PSD3: variants seen among roughly 807,000 people sequenced by gnomAD.
PSD3 encodes the protein pleckstrin and Sec7 domain containing 3, also known as PH and SEC7 domain-containing protein 3.
Under a neutral mutation model 105.5 loss-of-function variants are expected in PSD3, and 49 were observed. That is an observed-to-expected ratio of 0.46 (90% confidence interval 0.37 to 0.59). The LOEUF (loss-of-function observed/expected upper bound fraction) is 0.59, where lower values mean the gene tolerates loss of function less well. Ranked by LOEUF, PSD3 falls within the 20% of genes least tolerant of loss-of-function variation. PSD3 has a pLI of 0.00. For missense variants in PSD3, 1,561 were observed against 1,263.8 expected (o/e 1.24, Z -3.57); for synonymous variants, 557 against 457.8 (o/e 1.22, Z -2.77).
chr8:18,922,079 TC>T (rs1340605752), intron 2 of PSD3, among the ~76,000 whole-genome samples: 6 of 152,302 alleles, frequency 3.9e-5, no homozygotes, highest in African/African-American at 1.4e-4. Context: ...AAAAGATATT[TC>T]CTACCTAAAA....
Position 18,569,737 on chromosome 8 carries a change from A to G in PSD3, c.2784+2791T>C, listed in dbSNP as rs559032599. Among the ~76,000 whole-genome samples, 14 of 17,284 alleles carry G rather than the reference A, an allele frequency of 8.1e-4. 7 individuals are homozygous for G. The East Asian group carries it at 0.018, about 23-fold the overall frequency. The allele number at this position is 17,284 out of a possible 152,430, so 11.3% of individuals were successfully genotyped here. On this transcript the variant is annotated intron_variant, in intron 14 of 15. Coordinates refer to ENST00000327040, the MANE Select transcript of PSD3 (RefSeq NM_015310.4). Reference sequence around the variant, plus strand: ...ACTAACTCGTCATCTAGCATTAGGTATATCTCCCGATGCTATCCCTCCCCA... The same window carrying G: ...ACTAACTCGTCATCTAGCATTAGGTGTATCTCCCGATGCTATCCCTCCCCA...
At chr8:18,594,429 T>C (rs1329765366) in intron 12 of PSD3, among the ~76,000 whole-genome samples, 1 of 124,574 alleles carries the variant, frequency 8.0e-6, no homozygotes, top group Non-Finnish European at 1.6e-5. Context: ...ATACATTATA[T>C]ATAATATATT....
rs189105749 is a variant in PSD3, at chr8:19,053,595, T to C, written c.324+30611A>G. On this transcript the variant is annotated intron_variant, in intron 1 of 1. Coordinates refer to the PSD3 transcript ENST00000521475. Reference sequence around the variant, plus strand: ...AGCCGGATCACTTGAGGCCAGGAGTTCGAGACCAACATGAGGAAACCCCGT... The same window carrying C: ...AGCCGGATCACTTGAGGCCAGGAGTCCGAGACCAACATGAGGAAACCCCGT... Among the ~76,000 whole-genome samples the C allele has an allele frequency of 2.8e-3, 422 of 152,072 alleles. 3 individuals are homozygous for C. Among genetic ancestry groups the C allele is most frequent in the Non-Finnish European group, 4.6e-3 (316 of 67,964 alleles).
intron 12 of PSD3, among the ~76,000 whole-genome samples, chr8:18,593,512 T>C (rs1424404225): frequency 6.6e-6 from 1 of 152,066 alleles, no homozygotes; most frequent in East Asian, 1.9e-4. Flanking sequence ...AGGAACACTT[T>C]TACACTGTTG....
At chr8:19,038,538 G>A (rs1221999191) in intron 1 of PSD3, among the ~76,000 whole-genome samples, 4 of 152,144 alleles carry the variant, frequency 2.6e-5, no homozygotes, top group Admixed American at 6.5e-5. Context: ...GCAACTTACT[G>A]CAGTCTTAAC....
rs550667427 is a variant in PSD3, at chr8:18,950,421, T to G, written c.22-14279A>C. ...ATGTATAATACACCATTATTAAAAT[T>G]ATATTCAAGGTGCTCTGCAATAGAG... is the stretch of plus-strand genomic sequence containing the variant. On this transcript the variant is annotated intron_variant, in intron 1 of 15. Transcript: ENST00000327040. 3.3e-5 allele frequency among the ~76,000 whole-genome samples: 5 copies of G among 152,298 alleles called. No individual in the cohort carries two copies. In the East Asian group the frequency reaches 9.6e-4, roughly 29 times the overall value.
At chr8:18,730,073 A>G (rs747577433) in intron 9 of PSD3, 20 of 152,236 alleles carry the variant, frequency 1.3e-4, no homozygotes, top group Admixed American at 3.9e-4. Flanking sequence ...CTGACTTTCA[A>G]AAATAAGAAA....
At chr8:18,645,084 C>T (rs1751963282) in intron 10 of PSD3, among the ~76,000 whole-genome samples, 1 of 152,214 alleles carries the variant, frequency 6.6e-6, no homozygotes, top group Admixed American at 6.5e-5. Flanking sequence ...AACTAACCCA[C>T]TCCCTTGATA....
At chr8:19,003,750 G>T (rs1349512046) in intron 1 of PSD3, among the ~76,000 whole-genome samples, 2 of 151,836 alleles carry the variant, frequency 1.3e-5, no homozygotes, top group African/African-American at 2.4e-5. Flanking sequence ...GGCAGGGGGT[G>T]GGGGGTTGGG....
rs1339436176 is a variant in PSD3, at chr8:18,804,572, T to C, written c.1860A>G (p.Glu620=). The change falls in exon 6 of 16, where the codon GAA becomes GAG. Residue 620 remains glutamate (E), a synonymous_variant. Transcript: ENST00000327040. ...NNEFSKLVAE[E]YLKFFDFTGM... Reference sequence around the variant, plus strand: ...CTGTAAAATCAAAAAACTTCAGATATTCTTCTGCAACTAGTTTGCTAAATT... The same window carrying C: ...CTGTAAAATCAAAAAACTTCAGATACTCTTCTGCAACTAGTTTGCTAAATT... 2 of 1,613,636 alleles carry C rather than the reference T, an allele frequency of 1.2e-6. No homozygotes were observed. The highest frequency in any genetic ancestry group is 1.3e-5 in the African/African-American group (1 of 74,932).
In PSD3 at chr8:19,013,647, G is replaced by T; in HGVS notation, c.-64C>A. On this transcript the variant is annotated 5_prime_UTR_variant, in exon 1 of 16. In the 5' UTR this introduces an upstream ATG that the reference lacks. Coordinates refer to ENST00000327040, the MANE Select transcript of PSD3 (RefSeq NM_015310.4). ...CGGGCGCTCCGGGGCCGCAGCCTCA[G>T]GGCGCGAGTGCCGGCGGCCAGCGCC... The T allele has an allele frequency of 8.0e-7, 1 of 1,248,410 alleles. No individual in the cohort carries two copies. Among genetic ancestry groups the T allele is most frequent in the Non-Finnish European group, 1.0e-6 (1 of 1,000,054 alleles). The allele number at this position is 1,248,410 out of a possible 1,614,324, so 77.3% of individuals were successfully genotyped here.
At chr8:18,742,044 G>C (rs548520748) in intron 9 of PSD3, among the ~76,000 whole-genome samples, 1 of 152,122 alleles carries the variant, frequency 6.6e-6, no homozygotes, top group African/African-American at 2.4e-5. Context: ...TAATGCTTTC[G>C]ACATTTTCAT....
chr8:18,878,528 G>T (rs941119902), intron 2 of PSD3, among the ~76,000 whole-genome samples: 1 of 152,116 alleles, frequency 6.6e-6, no homozygotes, highest in South Asian at 2.1e-4. Context: ...AATACACACT[G>T]GAAATAAGCT....
intron 14 of PSD3, among the ~76,000 whole-genome samples, chr8:18,562,056 G>A (rs1299146884): frequency 6.6e-6 from 1 of 152,196 alleles, no homozygotes; most frequent in African/African-American, 2.4e-5. Flanking sequence ...GGCTCCAAGA[G>A]GGAAAGGAGG....
At chr8:18,707,782 C>T (rs1406733142) in intron 9 of PSD3, among the ~76,000 whole-genome samples, 4 of 152,130 alleles carry the variant, frequency 2.6e-5, no homozygotes, top group Non-Finnish European at 5.9e-5. Flanking sequence ...CCGAAGAGTA[C>T]AGTCTGAGAT....
intron 9 of PSD3, chr8:18,732,786 G>A (rs1803863062): frequency 6.6e-6 from 1 of 152,120 alleles, no homozygotes. Context: ...GTTCGTGCAG[G>A]GATGGGAGAA....
intron 12 of PSD3, among the ~76,000 whole-genome samples, chr8:18,581,636 TCTCCA>T (rs1244895513): frequency 1.1e-4 from 17 of 152,214 alleles, no homozygotes; most frequent in African/African-American, 4.1e-4. Context: ...CCCTGTGTTT[TCTCCA>T]ACCTTCACCT....
At chr8:18,664,162 T>C (rs907513887) in intron 9 of PSD3, among the ~76,000 whole-genome samples, 2 of 152,224 alleles carry the variant, frequency 1.3e-5, no homozygotes, top group African/African-American at 4.8e-5. Flanking sequence ...AAGAGTTGCA[T>C]GTCTCTCACT....
intron 12 of PSD3, among the ~76,000 whole-genome samples, chr8:18,585,069 G>C (rs948680759): frequency 5.9e-5 from 9 of 152,150 alleles, no homozygotes; most frequent in South Asian, 2.1e-4. Context: ...CACATCGCTA[G>C]CTCCAGAACA....
Sources: allele counts gnomAD v4.1 joint callset (sites outside exome capture counted in the v4.1 genomes callset), GRCh38; gene constraint gnomAD v4.1.1; transcripts MANE v1.5; gene names NCBI Gene and HGNC (gene_info 2026-07-23, HGNC 2026-07-21).